NRG3: variants seen among roughly 807,000 people sequenced by gnomAD.
The protein encoded by NRG3 is neuregulin 3.
NRG3 carries 31 observed loss-of-function variants against 66.9 expected under a neutral mutation model. That is an observed-to-expected ratio of 0.46 (90% confidence interval 0.35 to 0.63). The LOEUF is 0.63. Ranked by LOEUF, NRG3 falls within the 20% of genes least tolerant of loss-of-function variation. NRG3 has a pLI of 0.00. For missense variants in NRG3, 910 were observed against 878.9 expected (o/e 1.04, Z -0.45); for synonymous variants, 393 against 359.4 (o/e 1.09, Z -1.06).
intron 2 of NRG3, among the ~76,000 whole-genome samples, chr10:82,446,773 C>T (rs1046267223): frequency 9.9e-5 from 15 of 152,114 alleles, no homozygotes; most frequent in Non-Finnish European, 1.6e-4. Flanking sequence ...GCACATCCTG[C>T]GCAAGTACTC....
At chr10:82,175,815 G>A (rs145837478) in intron 1 of NRG3, among the ~76,000 whole-genome samples, 2 of 152,168 alleles carry the variant, frequency 1.3e-5, no homozygotes, top group African/African-American at 4.8e-5. Flanking sequence ...TACATACTTT[G>A]GTAGACGGAT....
At chr10:81,978,985 T>C (rs1409854007) in intron 1 of NRG3, among the ~76,000 whole-genome samples, 3 of 151,914 alleles carry the variant, frequency 2.0e-5, no homozygotes, top group Non-Finnish European at 2.9e-5. Context: ...GGTCAAGAGA[T>C]CAAGACCATC....
chr10:82,628,569 C>CCACTGT (rs2049588576), intron 2 of NRG3, among the ~76,000 whole-genome samples: 1 of 152,074 alleles, frequency 6.6e-6, no homozygotes, highest in Non-Finnish European at 1.5e-5. Context: ...TCTGCTGATG[C>CCACTGT]CACTGTACAG....
At chr10:82,348,621 C>A (rs1176320753) in intron 1 of NRG3, among the ~76,000 whole-genome samples, 1 of 144,854 alleles carries the variant, frequency 6.9e-6, no homozygotes, top group East Asian at 2.1e-4. Context: ...GCCTGCCTTG[C>A]TAGATTGGGG....
At chr10:82,746,102 G>T (rs976793478) in intron 3 of NRG3, among the ~76,000 whole-genome samples, 1 of 152,132 alleles carries the variant, frequency 6.6e-6, no homozygotes, top group Non-Finnish European at 1.5e-5. Context: ...ATGTTGCCCA[G>T]GCTGGTCTTG....
intron 1 of NRG3, among the ~76,000 whole-genome samples, chr10:82,062,664 GGATGGAGCA>G (rs1327008592): frequency 6.6e-6 from 1 of 151,608 alleles, no homozygotes; most frequent in Non-Finnish European, 1.5e-5. Context: ...CCAGGCAATG[GGATGGAGCA>G]GAATATAGGG....
intron 1 of NRG3, among the ~76,000 whole-genome samples, chr10:81,964,904 T>A (rs2059674175): frequency 6.6e-6 from 1 of 152,252 alleles, no homozygotes; most frequent in Admixed American, 6.5e-5. Context: ...TTGTTCATTT[T>A]ATTATGGATA....
At chr10:82,121,033 C>A (rs1444301978) in intron 1 of NRG3, among the ~76,000 whole-genome samples, 8 of 152,130 alleles carry the variant, frequency 5.3e-5, no homozygotes, top group African/African-American at 1.9e-4. Context: ...AGCATCCCCA[C>A]TGCCATGATG....
chr10:82,361,306 A>G (rs989797796), intron 2 of NRG3, among the ~76,000 whole-genome samples: 4 of 152,252 alleles, frequency 2.6e-5, no homozygotes, highest in Non-Finnish European at 4.4e-5. Context: ...CTCACAACAT[A>G]GCTAATCATG....
At chr10:82,933,557 A>G (rs1244651903) in intron 4 of NRG3, among the ~76,000 whole-genome samples, 1 of 152,214 alleles carries the variant, frequency 6.6e-6, no homozygotes, top group African/African-American at 2.4e-5. Context: ...AGATTGCAGA[A>G]GTTGTGTAAT....
intron 1 of NRG3, among the ~76,000 whole-genome samples, chr10:81,980,683 C>G (rs1461719700): frequency 6.6e-6 from 1 of 152,134 alleles, no homozygotes; most frequent in Non-Finnish European, 1.5e-5. Flanking sequence ...GACTTCCATA[C>G]AAAATATCAT....
In NRG3 at chr10:82,948,233, G is replaced by A. The variant is rs188919840; in HGVS notation, c.1055-3236G>A. Among the ~76,000 whole-genome samples the A allele has an allele frequency of 6.4e-3, 968 of 152,004 alleles. 3 individuals carry two copies. The highest frequency in any genetic ancestry group is 0.034 in the Middle Eastern group (10 of 294). On this transcript the variant is annotated intron_variant, in intron 4 of 8. Coordinates refer to ENST00000372141, the MANE Select transcript of NRG3 (RefSeq NM_001010848.4). The stretch of plus-strand genomic sequence containing the variant: ...AAAACCAATTGGCCACATAAGTTTC[G>A]AATATTATATTTCAGAACGCTTTTA...
chr10:82,407,462 T>C (rs1207691030), intron 2 of NRG3, among the ~76,000 whole-genome samples: 2 of 152,138 alleles, frequency 1.3e-5, no homozygotes, highest in Non-Finnish European at 2.9e-5. Flanking sequence ...GAATTTGTGA[T>C]TGTGTAAAAG....
intron 1 of NRG3, among the ~76,000 whole-genome samples, chr10:81,998,490 T>C (rs2061032730): frequency 6.6e-6 from 1 of 152,168 alleles, no homozygotes; most frequent in Non-Finnish European, 1.5e-5. Context: ...AGTGGACATC[T>C]CATGGGTCTT....
chr10:82,239,323 T>G (rs1357651411), intron 1 of NRG3, among the ~76,000 whole-genome samples: 3 of 151,894 alleles, frequency 2.0e-5, no homozygotes, highest in African/African-American at 7.3e-5. Context: ...GCCTGGAAAA[T>G]TTTTGTATTT....
chr10:82,036,395 A>G (rs2062791459), intron 1 of NRG3, among the ~76,000 whole-genome samples: 1 of 152,008 alleles, frequency 6.6e-6, no homozygotes, highest in Admixed American at 6.6e-5. Context: ...CTTCCTAACA[A>G]CCCTGCTAGG....
intron 1 of NRG3, among the ~76,000 whole-genome samples, chr10:82,005,785 C>T (rs1012200815): frequency 6.6e-6 from 1 of 152,080 alleles, no homozygotes. Flanking sequence ...GATTCACTAA[C>T]GTACGCTTTC....
intron 1 of NRG3, among the ~76,000 whole-genome samples, chr10:81,899,437 G>A (rs528485048): frequency 1.3e-5 from 2 of 152,354 alleles, no homozygotes; most frequent in South Asian, 2.1e-4. Context: ...ATCCCAGCAG[G>A]ATGAGCTGTG....
intron 3 of NRG3, among the ~76,000 whole-genome samples, chr10:82,780,174 A>G (rs900749068): frequency 9.9e-5 from 15 of 152,186 alleles, no homozygotes; most frequent in African/African-American, 2.4e-4. Context: ...CAGTGCCACA[A>G]TAAACATATG....
Sources: allele counts gnomAD v4.1 joint callset (sites outside exome capture counted in the v4.1 genomes callset), GRCh38; gene constraint gnomAD v4.1.1; transcripts MANE v1.5; gene names NCBI Gene and HGNC (gene_info 2026-07-23, HGNC 2026-07-21).